HCN1: variants seen among roughly 807,000 people sequenced by gnomAD.
HCN1 encodes hyperpolarization activated cyclic nucleotide gated potassium channel 1, also known as potassium/sodium hyperpolarization-activated cyclic nucleotide-gated channel 1.
Under a neutral mutation model 78.9 loss-of-function variants are expected in HCN1, and 13 were observed. The observed-to-expected ratio is 0.16, with a 90% CI of 0.11 to 0.26. HCN1 has a LOEUF of 0.26. Among genes scored for constraint, HCN1 ranks in the 10% least tolerant of loss-of-function variants. The probability of loss-of-function intolerance (pLI) is 1.00; values close to 1 mark genes in which losing one functional copy is unlikely to be tolerated. For missense variants in HCN1, 810 were observed against 1,154.3 expected (o/e 0.70, Z 4.32); for synonymous variants, 552 against 455.5 (o/e 1.21, Z -2.70).
intron 1 of HCN1, among the ~76,000 whole-genome samples, chr5:45,676,697 T>A (rs1431324338): frequency 6.6e-6 from 1 of 151,788 alleles, no homozygotes; most frequent in African/African-American, 2.4e-5. Context: ...TATAAATAAG[T>A]TCTAAGAGAA....
intron 5 of HCN1, among the ~76,000 whole-genome samples, chr5:45,335,932 C>T (rs958889311): frequency 2.0e-5 from 3 of 151,966 alleles, no homozygotes; most frequent in African/African-American, 4.8e-5. Context: ...ATCTGGTAAT[C>T]GTGATGTGAA....
chr5:45,264,023 G>A (rs550001439), intron 7 of HCN1, among the ~76,000 whole-genome samples: 2 of 152,286 alleles, frequency 1.3e-5, no homozygotes, highest in Admixed American at 6.5e-5. Context: ...TCCATCTCAT[G>A]ACCTTGTGAT....
intron 2 of HCN1, among the ~76,000 whole-genome samples, chr5:45,624,801 G>A (rs997328300): frequency 3.9e-5 from 6 of 152,006 alleles, no homozygotes; most frequent in Non-Finnish European, 7.4e-5. Context: ...AGGCAAGCAG[G>A]GATGTAGGGC....
chr5:45,458,719 A>T (rs1182164441), intron 3 of HCN1, among the ~76,000 whole-genome samples: 2 of 152,134 alleles, frequency 1.3e-5, no homozygotes, highest in Non-Finnish European at 2.9e-5. Flanking sequence ...TTGGTTCTAT[A>T]ATCTAGCTGT....
At chr5:45,535,128 A>G (rs1742939667) in intron 2 of HCN1, among the ~76,000 whole-genome samples, 1 of 152,242 alleles carries the variant, frequency 6.6e-6, no homozygotes, top group Admixed American at 6.5e-5. Context: ...AAATCATAGG[A>G]TCTTTAAATA....
intron 6 of HCN1, among the ~76,000 whole-genome samples, chr5:45,280,438 G>GCTA (rs1451240615): frequency 5.9e-5 from 9 of 152,154 alleles, no homozygotes; most frequent in Admixed American, 6.6e-5. Context: ...TCTAGACTAG[G>GCTA]GTTTCTCAAC....
At chr5:45,549,546 A>C (rs535183040) in intron 2 of HCN1, among the ~76,000 whole-genome samples, 1 of 152,312 alleles carries the variant, frequency 6.6e-6, no homozygotes, top group Admixed American at 6.5e-5. Flanking sequence ...TAAAAACCCT[A>C]GAAGAAAACC....
At chr5:45,346,153 C>A (rs533236126) in intron 5 of HCN1, among the ~76,000 whole-genome samples, 5 of 152,292 alleles carry the variant, frequency 3.3e-5, no homozygotes, top group Admixed American at 1.3e-4. Flanking sequence ...CATGTGGTAA[C>A]CATCCCCATG....
intron 5 of HCN1, among the ~76,000 whole-genome samples, chr5:45,322,090 T>A (rs2111937421): frequency 6.6e-6 from 1 of 151,912 alleles, no homozygotes; most frequent in East Asian, 1.9e-4. Context: ...AATATGAACT[T>A]ATTTCCTCTA....
intron 1 of HCN1, among the ~76,000 whole-genome samples, chr5:45,646,169 C>G (rs1745547103): frequency 6.6e-6 from 1 of 151,932 alleles, no homozygotes; most frequent in Admixed American, 6.6e-5. Flanking sequence ...TGCAGTACTC[C>G]AAATATTTTA....
intron 2 of HCN1, chr5:45,576,710 A>G (rs1743954645): frequency 6.6e-6 from 1 of 151,942 alleles, no homozygotes; most frequent in South Asian, 2.1e-4. Flanking sequence ...AGACTACAGT[A>G]TAGTGTAAAC....
chr5:45,329,173 C>T (rs979430351), intron 5 of HCN1, among the ~76,000 whole-genome samples: 1 of 151,502 alleles, frequency 6.6e-6, no homozygotes, highest in African/African-American at 2.4e-5. Context: ...TTTGTCAGTA[C>T]ATTCACTATG....
Position 45,366,971 on chromosome 5 carries a change from T to C in HCN1, c.1231-13725A>G, listed in dbSNP as rs1334045968. ...TAAGAAGATTTAGTCAACATCTATG[T>C]TTCAGATCCAAGTATTGATTGGTTA... On this transcript the variant is annotated intron_variant, in intron 4 of 7. Transcript: ENST00000303230. Among the ~76,000 whole-genome samples, 4 of 151,920 alleles carry C rather than the reference T, an allele frequency of 2.6e-5. No individual in the cohort carries two copies. The East Asian group carries it at 7.7e-4, about 29-fold the overall frequency.
At chr5:45,526,287 T>G (rs2111792466) in intron 2 of HCN1, among the ~76,000 whole-genome samples, 1 of 152,210 alleles carries the variant, frequency 6.6e-6, no homozygotes, top group South Asian at 2.1e-4. Flanking sequence ...TTTGAGTTTC[T>G]ATACTAGTGC....
chr5:45,362,400 G>T (rs1747133539), intron 4 of HCN1, among the ~76,000 whole-genome samples: 2 of 151,920 alleles, frequency 1.3e-5, no homozygotes, highest in South Asian at 4.1e-4. Context: ...AAAAGAAATA[G>T]AAGCTTTTAC....
chr5:45,478,324 A>C (rs1187958821), intron 2 of HCN1, among the ~76,000 whole-genome samples: 1 of 152,200 alleles, frequency 6.6e-6, no homozygotes, highest in Non-Finnish European at 1.5e-5. Context: ...CTATTGGGAA[A>C]AGGGGCATAG....
intron 2 of HCN1, among the ~76,000 whole-genome samples, chr5:45,593,121 T>C (rs189539693): frequency 3.9e-5 from 6 of 152,294 alleles, no homozygotes; most frequent in Non-Finnish European, 8.8e-5. Flanking sequence ...CAAACAAAAA[T>C]GTTTTTCCTA....
In HCN1 at chr5:45,259,408, G is replaced by T. The variant is rs1744685685; in HGVS notation, c.*2513C>A. Reference sequence around the variant, plus strand: ...TCTTTCCAGCAGCAGAAAGACCAATGAATAATACATTTCTTTCTGTACAGA... The same window carrying T: ...TCTTTCCAGCAGCAGAAAGACCAATTAATAATACATTTCTTTCTGTACAGA... On this transcript the variant is annotated 3_prime_UTR_variant, in exon 8 of 8. Transcript: ENST00000303230. 2 of 152,294 alleles carry T rather than the reference G, an allele frequency of 1.3e-5. No homozygotes were observed. Among genetic ancestry groups the T allele is most frequent in the Non-Finnish European group, 2.9e-5 (2 of 67,894 alleles). 9.4% of individuals were successfully genotyped at this position (152,294 alleles called of 1,614,324 possible). A position where few individuals can be genotyped will look rare whatever the true frequency, so the allele number is the denominator to read the frequency against.
intron 5 of HCN1, among the ~76,000 whole-genome samples, chr5:45,343,514 T>C (rs1463073234): frequency 1.3e-5 from 2 of 152,160 alleles, no homozygotes; most frequent in Admixed American, 6.5e-5. Flanking sequence ...CATTTGATGA[T>C]TGGATGTACA....
Sources: allele counts gnomAD v4.1 joint callset (sites outside exome capture counted in the v4.1 genomes callset), GRCh38; gene constraint gnomAD v4.1.1; transcripts MANE v1.5; gene names NCBI Gene and HGNC (gene_info 2026-07-23, HGNC 2026-07-21).